The following MGAT4C variants were observed in gnomAD, a reference collection of about 807,000 sequenced individuals.
MGAT4C encodes the protein alpha-1,3-mannosyl-glycoprotein 4-beta-N-acetylglucosaminyltransferase C.
MGAT4C carries 19 observed loss-of-function variants against 40.1 expected under a neutral mutation model. The observed-to-expected ratio is 0.47, with a 90% CI of 0.33 to 0.70. The LOEUF (loss-of-function observed/expected upper bound fraction) is 0.70, where lower values mean the gene tolerates loss of function less well. MGAT4C is among the 30% of genes least tolerant of loss of function. MGAT4C has a pLI of 0.02. For missense variants in MGAT4C, 491 were observed against 563.2 expected (o/e 0.87, Z 1.30); for synonymous variants, 181 against 187.1 (o/e 0.97, Z 0.27).
At chr12:86,644,812 G>A (rs1963491339) in intron 2 of MGAT4C, among the ~76,000 whole-genome samples, 1 of 151,572 alleles carries the variant, frequency 6.6e-6, no homozygotes, top group Non-Finnish European at 1.5e-5. Flanking sequence ...AAAAATACAT[G>A]CAAACCTAAT....
intron 2 of MGAT4C, among the ~76,000 whole-genome samples, chr12:86,718,035 TG>T (rs1181069811): frequency 6.6e-6 from 1 of 152,152 alleles, no homozygotes; most frequent in African/African-American, 2.4e-5. Context: ...TAGACGTTTT[TG>T]TTGGTCATAA....
intron 2 of MGAT4C, among the ~76,000 whole-genome samples, chr12:86,525,676 G>C (rs1053570061): frequency 1.3e-5 from 2 of 152,134 alleles, no homozygotes; most frequent in African/African-American, 2.4e-5. Flanking sequence ...GGATTCAGCT[G>C]ACTGGCTTTA....
At chr12:86,555,507 A>G (rs1316796277) in intron 2 of MGAT4C, among the ~76,000 whole-genome samples, 1 of 152,098 alleles carries the variant, frequency 6.6e-6, no homozygotes, top group African/African-American at 2.4e-5. Flanking sequence ...TCTGTGCTAA[A>G]GGGTGGAAGG....
intron 1 of MGAT4C, among the ~76,000 whole-genome samples, chr12:86,212,432 A>G (rs560060286): frequency 6.6e-6 from 1 of 152,312 alleles, no homozygotes; most frequent in Non-Finnish European, 1.5e-5. Context: ...AGTATGCCAG[A>G]ACCCAAATGT....
chr12:86,353,146 T>C (rs900472535), intron 3 of MGAT4C, among the ~76,000 whole-genome samples: 8 of 152,058 alleles, frequency 5.3e-5, no homozygotes, highest in African/African-American at 1.9e-4. Context: ...TGGATTAATA[T>C]AATTGCCTCT....
chr12:86,159,928 T>C (rs1216408911), intron 1 of MGAT4C, among the ~76,000 whole-genome samples: 1 of 152,098 alleles, frequency 6.6e-6, no homozygotes, highest in Non-Finnish European at 1.5e-5. Flanking sequence ...GTCTTCTCTT[T>C]CTTTCTCTTT....
chr12:86,160,898 G>A (rs528736310), intron 1 of MGAT4C, among the ~76,000 whole-genome samples: 3 of 151,976 alleles, frequency 2.0e-5, no homozygotes, highest in Non-Finnish European at 2.9e-5. Flanking sequence ...ACCAACTCCT[G>A]CTTTTTTGTG....
intron 2 of MGAT4C, among the ~76,000 whole-genome samples, chr12:86,470,660 T>C (rs1420016186): frequency 6.6e-6 from 1 of 152,188 alleles, no homozygotes; most frequent in African/African-American, 2.4e-5. Context: ...TTTAGACTTA[T>C]TGCAATAGGC....
At chr12:86,551,240 G>C (rs1403389640) in intron 2 of MGAT4C, among the ~76,000 whole-genome samples, 1 of 152,192 alleles carries the variant, frequency 6.6e-6, no homozygotes, top group South Asian at 2.1e-4. Flanking sequence ...CAAGCCCTGA[G>C]GCTGGCCAAA....
chr12:86,742,975 A>G (rs1267153182), intron 1 of MGAT4C, among the ~76,000 whole-genome samples: 1 of 150,904 alleles, frequency 6.6e-6, no homozygotes, highest in Non-Finnish European at 1.5e-5. Flanking sequence ...AAATGTGTTT[A>G]TGTATATATG....
intron 3 of MGAT4C, among the ~76,000 whole-genome samples, chr12:86,355,902 G>T (rs1955298751): frequency 6.6e-6 from 1 of 151,994 alleles, no homozygotes; most frequent in African/African-American, 2.4e-5. Flanking sequence ...TTATAACTTT[G>T]CTGTTATAAA....
chr12:86,296,218 C>T (rs1046297578), intron 4 of MGAT4C, among the ~76,000 whole-genome samples: 5 of 149,164 alleles, frequency 3.4e-5, no homozygotes, highest in African/African-American at 9.9e-5. Context: ...TACAGAGTGT[C>T]GATTGGTGCA....
intron 1 of MGAT4C, among the ~76,000 whole-genome samples, chr12:86,088,788 A>C (rs1872367606): frequency 6.6e-6 from 1 of 152,012 alleles, no homozygotes; most frequent in Admixed American, 6.6e-5. Flanking sequence ...CTTATACACT[A>C]CTGGTGGGAG....
chr12:86,331,035 C>T (rs1023203249), intron 4 of MGAT4C, among the ~76,000 whole-genome samples: 2 of 152,030 alleles, frequency 1.3e-5, no homozygotes, highest in Non-Finnish European at 1.5e-5. Flanking sequence ...AGAAAGAATT[C>T]GACCTGGGGC....
intron 2 of MGAT4C, among the ~76,000 whole-genome samples, chr12:86,611,718 A>G (rs1565882882): frequency 1.3e-5 from 2 of 152,126 alleles, no homozygotes; most frequent in South Asian, 4.1e-4. Context: ...ATTTTTCTAA[A>G]TCTTTTTATA....
chr12:86,051,785 A>G (rs1284096648), intron 1 of MGAT4C, among the ~76,000 whole-genome samples: 1 of 151,250 alleles, frequency 6.6e-6, no homozygotes, highest in Non-Finnish European at 1.5e-5. Flanking sequence ...ATTAGATAGA[A>G]TTATAATAGA....
chr12:86,030,042 T>A (rs1214541831), intron 2 of MGAT4C, among the ~76,000 whole-genome samples: 1 of 151,766 alleles, frequency 6.6e-6, no homozygotes, highest in Non-Finnish European at 1.5e-5. Flanking sequence ...TTTTTTTTCC[T>A]GTGTTGGGAA....
At position 85,970,765 on chromosome 12, in the gene MGAT4C, T is replaced by A. The variant is rs949860023; in HGVS notation, c.*8524A>T. On this transcript the variant is annotated 3_prime_UTR_variant, in exon 5 of 5. Transcript: ENST00000611864. ...TAATTTAAATAAAAATAATTGTTTT[T>A]ATTAAAGTTTATACAGCAAGATAAT... 1 of 151,384 alleles carries A rather than the reference T, an allele frequency of 6.6e-6. No individual in the cohort carries two copies. Among genetic ancestry groups the A allele is most frequent in the African/African-American group, 2.4e-5 (1 of 41,494 alleles). 9.4% of individuals were successfully genotyped at this position (151,384 alleles called of 1,614,324 possible).
chr12:86,668,764 T>G (rs773719740), intron 2 of MGAT4C, among the ~76,000 whole-genome samples: 1 of 152,208 alleles, frequency 6.6e-6, no homozygotes, highest in Non-Finnish European at 1.5e-5. Flanking sequence ...GAAGAGCTGC[T>G]ACAGCTGCAG....
Sources: allele counts gnomAD v4.1 joint callset (sites outside exome capture counted in the v4.1 genomes callset), GRCh38; gene constraint gnomAD v4.1.1; transcripts MANE v1.5; gene names NCBI Gene and HGNC (gene_info 2026-07-23, HGNC 2026-07-21).